Variants in NELL2 observed in about 807,000 individuals in gnomAD.
NELL2 encodes protein kinase C-binding protein NELL2.
In NELL2, 41 loss-of-function variants were observed where a neutral mutation model predicts 109.6. That is an observed-to-expected ratio of 0.37 (90% CI 0.29 to 0.49). The LOEUF (loss-of-function observed/expected upper bound fraction) is 0.49. NELL2 is among the 20% of genes least tolerant of loss of function. The pLI, the probability that NELL2 is intolerant of heterozygous loss-of-function variation, is 0.98. For synonymous variants in NELL2, 355 were observed against 344.7 expected, an observed-to-expected ratio of 1.03 and a Z score of -0.33; for missense variants, 900 against 1,008.3, an observed-to-expected ratio of 0.89 and a Z score of 1.45.
chr12:44,726,252 A>C (rs1168071016), intron 9 of NELL2, among the ~76,000 whole-genome samples: 1 of 149,018 alleles, frequency 6.7e-6, no homozygotes, highest in Non-Finnish European at 1.5e-5. Context: ...TTACTGAATG[A>C]AACAAATCAT....
At chr12:44,656,668 T>C (rs1307341271) in intron 13 of NELL2, among the ~76,000 whole-genome samples, 1 of 152,254 alleles carries the variant, frequency 6.6e-6, no homozygotes, top group African/African-American at 2.4e-5. Context: ...CTTCTGGCTC[T>C]TTGTCATCGT....
chr12:44,535,644 T>G lies in NELL2; in HGVS notation c.1664-2923A>C, dbSNP rs562729449. The stretch of plus-strand genomic sequence containing the variant: ...ATGTAGGTGATAATGGGCAGATATT[T>G]TATTTTAATGGCTACATATTTATTT... On this transcript the variant is annotated intron_variant, in intron 15 of 19. Transcript: ENST00000429094. Among the ~76,000 whole-genome samples the G allele has an allele frequency of 3.3e-5, 5 of 152,146 alleles. No individual in the cohort carries two copies. In the South Asian group the frequency reaches 6.2e-4, roughly 19 times the overall value.
At chr12:44,625,552 C>T (rs972560571) in intron 13 of NELL2, among the ~76,000 whole-genome samples, 1 of 151,928 alleles carries the variant, frequency 6.6e-6, no homozygotes, top group Non-Finnish European at 1.5e-5. Context: ...GAATTTAGTA[C>T]TTCATCTGTG....
At chr12:44,755,677 G>C (rs1463168546) in intron 9 of NELL2, among the ~76,000 whole-genome samples, 7 of 152,024 alleles carry the variant, frequency 4.6e-5, no homozygotes, top group Admixed American at 4.6e-4. Context: ...TATTCCCACT[G>C]CATTTATTCT....
chr12:44,633,225 T>C (rs7974472), intron 13 of NELL2, among the ~76,000 whole-genome samples: 12,182 of 152,044 alleles, frequency 0.08, 577 homozygotes, highest in Non-Finnish European at 0.1. Flanking sequence ...TTCCTGTAGG[T>C]ATTTAGGTCA....
intron 2 of NELL2, among the ~76,000 whole-genome samples, chr12:44,827,207 A>C (rs1335536577): frequency 6.6e-6 from 1 of 152,192 alleles, no homozygotes; most frequent in Non-Finnish European, 1.5e-5. Context: ...GTTACATGAG[A>C]TATTTTGATA....
chr12:44,617,519 C>T (rs2136264664), intron 13 of NELL2, among the ~76,000 whole-genome samples: 1 of 123,280 alleles, frequency 8.1e-6, no homozygotes, highest in East Asian at 2.0e-4. Context: ...AACCCCGTCT[C>T]TACTAAAAAC....
At chr12:44,512,033 G>T (rs866127265) in intron 19 of NELL2, among the ~76,000 whole-genome samples, 3 of 152,078 alleles carry the variant, frequency 2.0e-5, no homozygotes, top group Non-Finnish European at 4.4e-5. Context: ...AAAATCAACA[G>T]AATGAAGAGA....
intron 2 of NELL2, among the ~76,000 whole-genome samples, chr12:44,839,769 G>A (rs2136747588): frequency 6.6e-6 from 1 of 152,112 alleles, no homozygotes; most frequent in East Asian, 1.9e-4. Flanking sequence ...CCATAAGAAT[G>A]CTGTTCTTCA....
intron 10 of NELL2, among the ~76,000 whole-genome samples, chr12:44,713,180 ACAC>A (rs1263793031): frequency 7.5e-5 from 1 of 13,294 alleles, no homozygotes; most frequent in African/African-American, 1.9e-4. Flanking sequence ...AATAGGATAC[ACAC>A]ACACACACAC....
intron 16 of NELL2, among the ~76,000 whole-genome samples, chr12:44,529,728 G>C (rs180715911): frequency 7.2e-5 from 11 of 152,310 alleles, no homozygotes; most frequent in Admixed American, 5.9e-4. Flanking sequence ...GATAGTAACT[G>C]ATCAGTTAAT....
intron 13 of NELL2, among the ~76,000 whole-genome samples, chr12:44,655,689 T>A (rs2136323125): frequency 6.6e-6 from 1 of 152,246 alleles, no homozygotes; most frequent in South Asian, 2.1e-4. Context: ...GCTTCCTGGA[T>A]TATGTTTGCT....
At position 44,816,087 on chromosome 12, in the gene NELL2, A is replaced by G; in HGVS notation, c.234T>C (p.Phe78=). 2 of 1,613,490 alleles carry G rather than the reference A, an allele frequency of 1.2e-6. No individual in the cohort carries two copies. Among genetic ancestry groups the G allele is most frequent in the Non-Finnish European group, 1.7e-6 (2 of 1,179,806 alleles). ...ATTCATGTTTATTTCTCAGCTTCTG[A>G]AAAAACTGTTCAGCTGTAGCAGTGG... ...KASTATAEQF[F]QKLRNKHEFT... is the part of the protein sequence containing the mutation. Residue 78 remains phenylalanine, a synonymous_variant, in exon 3 of 20, where the codon TTT becomes TTC. Coordinates refer to ENST00000429094, the MANE Select transcript of NELL2 (RefSeq NM_001145108.2).
intron 1 of NELL2, among the ~76,000 whole-genome samples, chr12:44,906,001 C>T (rs997954195): frequency 6.6e-6 from 1 of 151,836 alleles, no homozygotes; most frequent in Non-Finnish European, 1.5e-5. Flanking sequence ...GTAATACGTG[C>T]TATGGAAATA....
At chr12:44,587,307 A>ATATATTTT (rs1302978950) in intron 15 of NELL2, among the ~76,000 whole-genome samples, 27 of 96,640 alleles carry the variant, frequency 2.8e-4, no homozygotes, top group Non-Finnish European at 4.5e-4. Context: ...ATATATATAT[A>ATATATTTT]TTTTTTTTTA....
intron 18 of NELL2, 41 bp downstream of exon 18, chr12:44,521,959 T>C: frequency 6.2e-7 from 1 of 1,603,370 alleles, no homozygotes; most frequent in Non-Finnish European, 8.5e-7. Context: ...ATTTAGATTC[T>C]GGGCCTAAAT....
chr12:44,642,656 C>A (rs1047137170), intron 13 of NELL2, among the ~76,000 whole-genome samples: 1 of 152,070 alleles, frequency 6.6e-6, no homozygotes, highest in South Asian at 2.1e-4. Flanking sequence ...CTGAGGCGGG[C>A]GGATCACCTA....
intron 15 of NELL2, among the ~76,000 whole-genome samples, chr12:44,596,329 C>G (rs1276103328): frequency 6.6e-6 from 1 of 152,152 alleles, no homozygotes; most frequent in East Asian, 1.9e-4. Context: ...AATATCAGAA[C>G]AGAAAGAGCG....
intron 9 of NELL2, among the ~76,000 whole-genome samples, chr12:44,732,536 C>T (rs1021084720): frequency 6.6e-6 from 1 of 151,970 alleles, no homozygotes; most frequent in Admixed American, 6.6e-5. Flanking sequence ...TATCTTACAC[C>T]ATGCACAAAA....
Sources: allele counts gnomAD v4.1 joint callset (sites outside exome capture counted in the v4.1 genomes callset), GRCh38; gene constraint gnomAD v4.1.1; transcripts MANE v1.5; gene names NCBI Gene and HGNC (gene_info 2026-07-23, HGNC 2026-07-21).